Variants in PARG observed in about 807,000 individuals in gnomAD.
PARG encodes poly(ADP-ribose) glycohydrolase, also known as mitochondrial poly(ADP-ribose) glycohydrolase.
In PARG, 35 loss-of-function variants were observed where a neutral mutation model predicts 113.0. The observed-to-expected ratio is 0.31, with a 90% CI of 0.24 to 0.41. PARG has a LOEUF of 0.41. Among genes scored for constraint, PARG ranks in the 10% least tolerant of loss-of-function variants. The pLI is 1.00. For missense variants in PARG, 797 were observed against 1,169.4 expected, an observed-to-expected ratio of 0.68 and a Z score of 4.64; for synonymous variants, 330 against 409.9, an observed-to-expected ratio of 0.81 and a Z score of 2.36.
intron 13 of PARG, among the ~76,000 whole-genome samples, chr10:49,849,408 A>G (rs1845658873): frequency 6.6e-6 from 1 of 150,578 alleles, no homozygotes; most frequent in African/African-American, 2.4e-5. Context: ...CAACACATTA[A>G]TAAGCTTACT....
intron 15 of PARG, among the ~76,000 whole-genome samples, chr10:49,841,068 C>T (rs1845210269): frequency 6.6e-6 from 1 of 152,070 alleles, no homozygotes; most frequent in Non-Finnish European, 1.5e-5. Flanking sequence ...GCCTGGCCAA[C>T]ATGGTGAAAC....
At chr10:49,858,999 GA>G (rs1846125656) in intron 12 of PARG, among the ~76,000 whole-genome samples, 1 of 151,698 alleles carries the variant, frequency 6.6e-6, no homozygotes, top group Non-Finnish European at 1.5e-5. Context: ...ATGAGAAGAT[GA>G]TTATTGAAGA....
intron 13 of PARG, among the ~76,000 whole-genome samples, chr10:49,847,132 C>A (rs575174272): frequency 6.6e-5 from 10 of 151,564 alleles, no homozygotes; most frequent in African/African-American, 2.4e-4. Context: ...AATAAGTATA[C>A]ACAAATAAGG....
Position 49,843,554 on chromosome 10 carries a change from C to T in PARG, c.2432G>A (p.Arg811Lys), listed in dbSNP as rs1845349061. The T allele has an allele frequency of 1.9e-6, 3 of 1,546,182 alleles. No individual in the cohort carries two copies. The highest frequency in any genetic ancestry group is 2.6e-6 in the Non-Finnish European group (3 of 1,142,106). Residue 811 changes from arginine to lysine, a missense_variant and splice_region_variant, in exon 14 of 18, where the codon AGG becomes AAG. By Grantham distance (26) the Arg-to-Lys change is conservative (BLOSUM62 2). This residue lies in a region of PARG where 194 missense variants were observed against 247.1 expected (regional missense o/e 0.79). Transcript: ENST00000616448. ...ATACTGAAGACAGAAACAGACTCAC[C>T]TTTCACTCCCATCTTCGTGGCTCCG... ...WSRSHEDGSE[R>K]DDWQRRCTEI...
At chr10:49,909,364 T>C (rs567495087) in intron 7 of PARG, among the ~76,000 whole-genome samples, 1 of 151,960 alleles carries the variant, frequency 6.6e-6, no homozygotes, top group East Asian at 1.9e-4. Context: ...TCTATTTTAA[T>C]ACAAGTTTAT....
chr10:49,927,438 A>G (rs1838262984), intron 4 of PARG, among the ~76,000 whole-genome samples: 1 of 150,982 alleles, frequency 6.6e-6, no homozygotes, highest in African/African-American at 2.4e-5. Flanking sequence ...CCTGTGAGTC[A>G]TCTATATAGG....
At position 49,922,318 on chromosome 10, in the gene PARG, A is replaced by G. The variant is rs782769771; in HGVS notation, c.1662+18T>C. ...ACACAGGGCCCATAAACAGGCAAGC[A>G]TGGTAAAAACAACATACCTTCAAGT... On this transcript the variant is annotated intron_variant, in intron 6 of 17. Transcript: ENST00000616448. 1.3e-6 allele frequency: 2 copies of G among 1,588,936 alleles called. No individual in the cohort carries two copies. The highest frequency in any genetic ancestry group is 1.8e-5 in the Admixed American group (1 of 56,650).
At chr10:49,920,102 T>A (rs2377698) in intron 6 of PARG, among the ~76,000 whole-genome samples, 28,672 of 151,244 alleles carry the variant, frequency 0.19, 3,235 homozygotes, top group Non-Finnish European at 0.27. Flanking sequence ...CCTGAAATTT[T>A]AAAAAAAATC....
intron 16 of PARG, among the ~76,000 whole-genome samples, chr10:49,828,142 T>A (rs1037700792): frequency 5.4e-4 from 57 of 106,354 alleles, no homozygotes; most frequent in African/African-American, 1.8e-3. Flanking sequence ...ACCCCAACCA[T>A]GAGAAAAGCC....
chr10:49,840,938 TGA>T (rs1554832142), intron 15 of PARG, among the ~76,000 whole-genome samples: 2 of 152,192 alleles, frequency 1.3e-5, no homozygotes, highest in South Asian at 4.1e-4. Context: ...CTTGGCTGTG[TGA>T]ATAATTTGTG....
At chr10:49,919,096 G>T (rs1383099379) in intron 6 of PARG, among the ~76,000 whole-genome samples, 1 of 151,802 alleles carries the variant, frequency 6.6e-6, no homozygotes, top group Non-Finnish European at 1.5e-5. Flanking sequence ...ACCCACCACC[G>T]TGCCCGGCTA....
chr10:49,924,379 A>G (rs1838048690), intron 4 of PARG, among the ~76,000 whole-genome samples: 1 of 152,218 alleles, frequency 6.6e-6, no homozygotes, highest in South Asian at 2.1e-4. Context: ...CACTTGTAAT[A>G]TGTTATGAAT....
chr10:49,842,214 C>T (rs1378648135), intron 14 of PARG, among the ~76,000 whole-genome samples, 156 bp from the exon 15 acceptor site: 1 of 152,140 alleles, frequency 6.6e-6, no homozygotes, highest in Non-Finnish European at 1.5e-5. Flanking sequence ...AAAGGAAACA[C>T]CCTTTATTTT....
At chr10:49,840,149 G>C (rs1216147505) in intron 15 of PARG, among the ~76,000 whole-genome samples, 3 of 152,164 alleles carry the variant, frequency 2.0e-5, no homozygotes, top group Non-Finnish European at 4.4e-5. Flanking sequence ...AGCACTTTGG[G>C]AGGCCGACGG....
intron 13 of PARG, among the ~76,000 whole-genome samples, chr10:49,850,109 T>A (rs1229055532): frequency 1.4e-5 from 2 of 139,712 alleles, no homozygotes; most frequent in Admixed American, 1.5e-4. Context: ...CGAATAAACA[T>A]AATAATTAAT....
chr10:49,931,259 A>C (rs1466131612), intron 4 of PARG, among the ~76,000 whole-genome samples: 1 of 152,076 alleles, frequency 6.6e-6, no homozygotes, highest in Non-Finnish European at 1.5e-5. Flanking sequence ...ATAATGTTAA[A>C]ACAAACATGG....
chr10:49,903,103 G>A (rs1848419538), intron 7 of PARG, among the ~76,000 whole-genome samples: 1 of 151,818 alleles, frequency 6.6e-6, no homozygotes, highest in Admixed American at 6.6e-5. Context: ...GGGATTACAG[G>A]CATGAGAGCC....
chr10:49,838,963 G>A (rs1845089461), intron 15 of PARG, among the ~76,000 whole-genome samples: 2 of 152,148 alleles, frequency 1.3e-5, no homozygotes, highest in African/African-American at 4.8e-5. Flanking sequence ...AACATTTTGT[G>A]ACATATTGAG....
chr10:49,936,488 A>G (rs1838743565), intron 1 of PARG, among the ~76,000 whole-genome samples: 1 of 152,218 alleles, frequency 6.6e-6, no homozygotes, highest in Non-Finnish European at 1.5e-5. Context: ...CAGTAGCAAA[A>G]GTAGAATTGA....
Sources: allele counts gnomAD v4.1 joint callset (sites outside exome capture counted in the v4.1 genomes callset), GRCh38; gene constraint gnomAD v4.1.1; regional missense constraint gnomAD v4.1.1; transcripts MANE v1.5; gene names NCBI Gene and HGNC (gene_info 2026-07-23, HGNC 2026-07-21).